PLD5: variants seen among roughly 807,000 people sequenced by gnomAD.
The protein encoded by PLD5 is inactive phospholipase D5.
In PLD5, 36 loss-of-function variants were observed where a neutral mutation model predicts 61.1. The ratio of observed to expected loss-of-function variants is 0.59; its 90% CI spans 0.45 to 0.78. The LOEUF is 0.78. Among genes scored for constraint, PLD5 ranks in the 30% least tolerant of loss-of-function variants. The probability of loss-of-function intolerance (pLI) is 0.00; values close to 1 mark genes in which losing one functional copy is unlikely to be tolerated. For missense variants in PLD5, 515 were observed against 644.4 expected, an observed-to-expected ratio of 0.80 and a Z score of 2.17; for synonymous variants, 243 against 242.8, an observed-to-expected ratio of 1.00 and a Z score of -0.01.
At chr1:242,500,392 G>C (rs568417336) in intron 1 of PLD5, among the ~76,000 whole-genome samples, 1 of 152,170 alleles carries the variant, frequency 6.6e-6, no homozygotes, top group Admixed American at 6.5e-5. Flanking sequence ...GTCCAACACT[G>C]TTCTATGCAC....
intron 1 of PLD5, among the ~76,000 whole-genome samples, chr1:242,485,767 A>C (rs1215551565): frequency 6.6e-6 from 1 of 152,210 alleles, no homozygotes; most frequent in Non-Finnish European, 1.5e-5. Context: ...GTCAATCCTA[A>C]GCCAAAAGAA....
chr1:242,321,602 G>A (rs1658415240), intron 2 of PLD5, among the ~76,000 whole-genome samples: 1 of 152,032 alleles, frequency 6.6e-6, no homozygotes, highest in Non-Finnish European at 1.5e-5. Flanking sequence ...ACCACGCCCG[G>A]CCCCATCTAT....
intron 9 of PLD5, among the ~76,000 whole-genome samples, 163 bp from the exon 10 acceptor site, chr1:242,090,273 C>A (rs903387107): frequency 1.3e-5 from 2 of 152,140 alleles, no homozygotes; most frequent in Admixed American, 1.3e-4. Context: ...ATCCAAGAAG[C>A]CTTACATATG....
intron 1 of PLD5, among the ~76,000 whole-genome samples, chr1:242,450,911 G>T (rs945020714): frequency 6.6e-6 from 1 of 152,162 alleles, no homozygotes; most frequent in Non-Finnish European, 1.5e-5. Flanking sequence ...CATGAATTCA[G>T]TAAGTGAATA....
At chr1:242,210,314 C>A (rs1669724518) in intron 5 of PLD5, 1 of 152,426 alleles carries the variant, frequency 6.6e-6, no homozygotes, top group Admixed American at 6.5e-5. Flanking sequence ...ATAGATCTAA[C>A]CACTGTCAGG....
At chr1:242,486,247 G>A (rs1397572765) in intron 1 of PLD5, among the ~76,000 whole-genome samples, 1 of 152,084 alleles carries the variant, frequency 6.6e-6, no homozygotes, top group Non-Finnish European at 1.5e-5. Flanking sequence ...CTTCTGCACA[G>A]CAAAAGAAAC....
At chr1:242,396,926 C>T (rs1469448077) in intron 1 of PLD5, among the ~76,000 whole-genome samples, 1 of 152,086 alleles carries the variant, frequency 6.6e-6, no homozygotes, top group East Asian at 1.9e-4. Flanking sequence ...GATCCGCCCG[C>T]CTCAGCCTCC....
chr1:242,312,891 C>T (rs1210785542), intron 2 of PLD5, among the ~76,000 whole-genome samples: 2 of 152,170 alleles, frequency 1.3e-5, no homozygotes, highest in Non-Finnish European at 2.9e-5. Flanking sequence ...AAATTTTTGA[C>T]TGATTCCCAG....
intron 1 of PLD5, among the ~76,000 whole-genome samples, chr1:242,413,088 G>C (rs114806888): frequency 1.2e-4 from 18 of 152,108 alleles, no homozygotes; most frequent in African/African-American, 4.1e-4. Flanking sequence ...ACAAGTTCCC[G>C]AGGGCGCCTT....
In PLD5 at chr1:242,285,937, C is replaced by T. The variant is rs1332522231; in HGVS notation, c.495+2425G>A. On this transcript the variant is annotated intron_variant, in intron 3 of 9. Coordinates refer to ENST00000536534, the MANE Select transcript of PLD5 (RefSeq NM_001372062.1). The stretch of plus-strand genomic sequence containing the variant: ...AGCCTGGCCAGCATGGTGAAACCTC[C>T]TCTCTACTAAAAATATGAAAACTTA... Among the ~76,000 whole-genome samples the T allele has an allele frequency of 2.0e-5, 3 of 152,000 alleles. No individual in the cohort carries two copies. The East Asian group carries it at 5.8e-4, about 30-fold the overall frequency.
At chr1:242,096,308 G>A (rs1024520901) in intron 9 of PLD5, among the ~76,000 whole-genome samples, 6 of 150,626 alleles carry the variant, frequency 4.0e-5, no homozygotes, top group Non-Finnish European at 8.9e-5. Context: ...TCGATCGATC[G>A]AAAGATCGAT....
chr1:242,446,361 G>C (rs1365237829), intron 1 of PLD5, among the ~76,000 whole-genome samples: 1 of 152,116 alleles, frequency 6.6e-6, no homozygotes, highest in East Asian at 1.9e-4. Flanking sequence ...CTTGAGGCCA[G>C]GAGTTCGAGG....
intron 1 of PLD5, among the ~76,000 whole-genome samples, chr1:242,491,997 C>G (rs538536127): frequency 1.3e-5 from 2 of 152,308 alleles, no homozygotes; most frequent in East Asian, 3.9e-4. Context: ...ATCTCTTTGG[C>G]TAGTCACAAT....
rs112044985 is a variant in PLD5 at position 242,523,458 on chromosome 1, C to T, written c.189+630G>A. Among the ~76,000 whole-genome samples, 731 of 152,126 alleles carry T rather than the reference C, an allele frequency of 4.8e-3. 11 individuals carry two copies. Among genetic ancestry groups the T allele is most frequent in the African/African-American group, 0.017 (709 of 41,490 alleles). On this transcript the variant is annotated intron_variant, in intron 1 of 9. Transcript: ENST00000536534. The stretch of plus-strand genomic sequence containing the variant: ...GAGGTCCCCTCTCACCGGCTCCCAC[C>T]CTCCAGAGGGGAGGATTTCTGGGGA...
intron 7 of PLD5, among the ~76,000 whole-genome samples, chr1:242,108,978 C>T (rs756321515): frequency 9.2e-5 from 14 of 152,296 alleles, no homozygotes; most frequent in African/African-American, 1.4e-4. Context: ...TGCCTCTGTA[C>T]CTTCCTCTTG....
intron 1 of PLD5, among the ~76,000 whole-genome samples, chr1:242,521,968 C>A (rs1669294769): frequency 6.6e-6 from 1 of 151,664 alleles, no homozygotes; most frequent in Non-Finnish European, 1.5e-5. Context: ...CTCTTGAATT[C>A]AAAAAAAATT....
intron 1 of PLD5, among the ~76,000 whole-genome samples, chr1:242,483,647 C>T (rs909429356): frequency 8.5e-5 from 13 of 152,246 alleles, no homozygotes; most frequent in African/African-American, 3.1e-4. Flanking sequence ...TTAGACAGAT[C>T]AACGAGACTG....
intron 1 of PLD5, among the ~76,000 whole-genome samples, chr1:242,385,126 A>G (rs1662525427): frequency 6.6e-6 from 1 of 152,246 alleles, no homozygotes; most frequent in African/African-American, 2.4e-5. Flanking sequence ...CTTAATGACT[A>G]TAAGTCACTA....
Position 242,215,233 on chromosome 1 carries a change from AAT to A in PLD5, c.735+4753_735+4754del, listed in dbSNP as rs1443392209. Among the ~76,000 whole-genome samples, 261 of 152,036 alleles carry A rather than the reference AAT, an allele frequency of 1.7e-3. 10 individuals are homozygous for A. The highest frequency in any genetic ancestry group is 0.016 in the Admixed American group (245 of 15,212). On this transcript the variant is annotated intron_variant, in intron 5 of 9. Transcript: ENST00000536534. ...TTGCATTTATATGATGGCCCACAAA[AAT>A]TAAAACTGATAATGGTTCAGCTTAT... is the stretch of plus-strand genomic sequence containing the variant.
Sources: gnomAD v4.1 joint callset for allele counts (sites outside exome capture counted in the v4.1 genomes callset) on GRCh38, gnomAD v4.1.1 for gene constraint, MANE v1.5 for transcripts, NCBI Gene and HGNC (gene_info 2026-07-23, HGNC 2026-07-21) for gene names.